ASAP3: variants seen among roughly 807,000 people sequenced by gnomAD.
ASAP3 encodes arf-GAP with SH3 domain, ANK repeat and PH domain-containing protein 3.
A neutral mutation model predicts 118.2 loss-of-function variants in ASAP3; 85 were observed. The ratio of observed to expected loss-of-function variants is 0.72; its 90% CI spans 0.60 to 0.86. ASAP3 has a LOEUF of 0.86. ASAP3 is among the 40% of genes least tolerant of loss of function. ASAP3 has a pLI of 0.00. For synonymous variants in ASAP3, 432 were observed against 477.4 expected, an observed-to-expected ratio of 0.90 and a Z score of 1.24; for missense variants, 1,026 against 1,175.0, an observed-to-expected ratio of 0.87 and a Z score of 1.85.
intron 1 of ASAP3, among the ~76,000 whole-genome samples, chr1:23,483,253 A>G (rs976665186): frequency 6.6e-6 from 1 of 152,230 alleles, no homozygotes; most frequent in Non-Finnish European, 1.5e-5. Flanking sequence ...CTGCAAAAAC[A>G]CATTATTCTC....
At chr1:23,474,364 G>A (rs1347656675) in intron 1 of ASAP3, among the ~76,000 whole-genome samples, 1 of 152,116 alleles carries the variant, frequency 6.6e-6, no homozygotes, top group Admixed American at 6.5e-5. Context: ...ATCTAACAGA[G>A]CCGAGCACCC....
intron 1 of ASAP3, among the ~76,000 whole-genome samples, chr1:23,473,238 G>C (rs539804098): frequency 2.8e-4 from 42 of 152,282 alleles, no homozygotes; most frequent in South Asian, 2.5e-3. Context: ...ACTTGCCCAG[G>C]CCTCGCCCCT....
intron 1 of ASAP3, among the ~76,000 whole-genome samples, chr1:23,457,685 G>T (rs1641431487): frequency 6.6e-6 from 1 of 152,132 alleles, no homozygotes; most frequent in Non-Finnish European, 1.5e-5. Context: ...CTAATTTTTT[G>T]TATTTTTAGT....
chr1:23,456,153 C>T lies in ASAP3; in HGVS notation c.171G>A (p.Lys57=), dbSNP rs1204648156. 1 of 1,614,154 alleles carries T rather than the reference C, an allele frequency of 6.2e-7. No individual in the cohort carries two copies. Among genetic ancestry groups the T allele is most frequent in the Non-Finnish European group, 8.5e-7 (1 of 1,180,016 alleles). The change falls in exon 2 of 25, where the codon AAG becomes AAA. Residue 57 remains lysine, a synonymous_variant. Transcript: ENST00000336689. ...GDQAILQRIK[K]AVRAIHSSGL... is the part of the protein sequence containing the mutation. ...CGGAGCTATGGATTGCCCGCACAGC[C>T]TTCTTTATTCTCTGCAGGATGGCTT...
chr1:23,457,874 C>A (rs1641439187), intron 1 of ASAP3, among the ~76,000 whole-genome samples: 1 of 152,194 alleles, frequency 6.6e-6, no homozygotes, highest in African/African-American at 2.4e-5. Context: ...GAAATCGATG[C>A]CTACCTCTCA....
chr1:23,442,746 C>T, intron 5 of ASAP3, 134 bp from the exon 6 acceptor site: 1 of 1,346,106 alleles, frequency 7.4e-7, no homozygotes. Context: ...GGGCTGGGTA[C>T]AATGAACAAG....
rs1482244715 is a variant in ASAP3, at chr1:23,429,789, T to C, written c.*67A>G. ...GAACAAATGTCTCAGCTCCCCAGTT[T>C]TGTGAGCTCAAGTCCCAGCTCTGAA... On this transcript the variant is annotated 3_prime_UTR_variant, in exon 25 of 25. Transcript: ENST00000336689. The C allele has an allele frequency of 2.0e-6, 3 of 1,504,950 alleles. No homozygotes were observed. In the African/African-American group the frequency reaches 4.1e-5, roughly 21 times the overall value. 93.2% of individuals were successfully genotyped at this position (1,504,950 alleles called of 1,614,324 possible).
chr1:23,444,183 T>A (rs1313962231), intron 5 of ASAP3, among the ~76,000 whole-genome samples: 1 of 152,170 alleles, frequency 6.6e-6, no homozygotes, highest in Non-Finnish European at 1.5e-5. Flanking sequence ...TCTTCTCTTT[T>A]TAAGTGGAGA....
chr1:23,429,897 C>T lies in ASAP3; in HGVS notation c.2671G>A (p.Gly891Arg). The T allele has an allele frequency of 6.2e-7, 1 of 1,614,000 alleles. No homozygotes were observed. Among genetic ancestry groups the T allele is most frequent in the Non-Finnish European group, 8.5e-7 (1 of 1,179,948 alleles). The change falls in exon 25 of 25, where the codon GGG becomes AGG. Residue 891 changes from glycine (G) to arginine (R), a missense_variant. Transcript: ENST00000336689. Reference protein sequence around the residue: ...GITEGDGSRTGSLPASSVQLL... With the variant: ...GITEGDGSRTRSLPASSVQLL... ...TGCACAGAACTTGCTGGGAGACTCC[C>T]AGTCCTTGAGCCATCTCCTTCAGTG...
At chr1:23,459,018 A>G (rs1292729382) in intron 1 of ASAP3, among the ~76,000 whole-genome samples, 3 of 151,930 alleles carry the variant, frequency 2.0e-5, no homozygotes, top group Non-Finnish European at 4.4e-5. Context: ...AAAAATACAA[A>G]AATTAGCTGG....
intron 22 of ASAP3, among the ~76,000 whole-genome samples, chr1:23,432,446 A>AG (rs1640473239): frequency 6.6e-6 from 1 of 152,116 alleles, no homozygotes; most frequent in South Asian, 2.1e-4. Context: ...ACCCTGTCCC[A>AG]GTTTGGATTC....
rs765029335 is a variant in ASAP3 at position 23,442,259 on chromosome 1, C to T, written c.598G>A (p.Ala200Thr). Residue 200 changes from alanine to threonine, a missense_variant, in exon 7 of 25, where the codon GCC (alanine) becomes ACC (threonine). Transcript: ENST00000336689. ...QLHMCEYLLK[A>T]GESQMKQGPD... is the part of the protein sequence containing the mutation. ...CCTTGCTTCATCTGGCTCTCCCCGG[C>T]TTTGAGCAGATACTAGGAGGAGGGC... 9 of 1,604,816 alleles carry T rather than the reference C, an allele frequency of 5.6e-6. No homozygotes were observed. The East Asian group carries it at 2.0e-4, about 36-fold the overall frequency.
chr1:23,431,592 G>A, intron 23 of ASAP3, 104 bp downstream of exon 23: 1 of 1,119,648 alleles, frequency 8.9e-7, no homozygotes, highest in Non-Finnish European at 1.3e-6. Flanking sequence ...GAGATGGCGT[G>A]TGACCCAGTC....
intron 1 of ASAP3, among the ~76,000 whole-genome samples, chr1:23,475,540 G>A (rs1642101085): frequency 6.6e-6 from 1 of 152,178 alleles, no homozygotes; most frequent in African/African-American, 2.4e-5. Context: ...TGACACAGAT[G>A]CAGGTTTGAA....
chr1:23,429,752 T>G lies in ASAP3; in HGVS notation c.*104A>C, dbSNP rs1377429354. 9.5e-6 allele frequency: 11 copies of G among 1,160,024 alleles called. No homozygotes were observed. The highest frequency in any genetic ancestry group is 1.5e-5 in the South Asian group (1 of 66,800). 71.9% of individuals were successfully genotyped at this position (1,160,024 alleles called of 1,614,324 possible). On this transcript the variant is annotated 3_prime_UTR_variant, in exon 25 of 25. Coordinates refer to ENST00000336689, the MANE Select transcript of ASAP3 (RefSeq NM_017707.4). ...ACAGAGGCACAAGGGACAGAGAGAG[T>G]GAGATCCAAGAGAACAAATGTCTCA...
In ASAP3 at chr1:23,452,207, C is replaced by T. The variant is rs116508150; in HGVS notation, c.423+490G>A. Among the ~76,000 whole-genome samples the T allele has an allele frequency of 2.9e-3, 435 of 152,302 alleles. 2 individuals carry two copies. The highest frequency in any genetic ancestry group is 7.5e-3 in the African/African-American group (311 of 41,564). On this transcript the variant is annotated intron_variant, in intron 4 of 24. Transcript: ENST00000336689. ...GGGAGGGAACCCTCTTGGGGGAGCA[C>T]GGCTCCTCCCCTGGGCCGTCTGGGG...
chr1:23,459,180 A>AG (rs1256631636), intron 1 of ASAP3, among the ~76,000 whole-genome samples: 1 of 151,640 alleles, frequency 6.6e-6, no homozygotes, highest in African/African-American at 2.4e-5. Flanking sequence ...CAAAAAAAAA[A>AG]AAAAAAAAAA....
chr1:23,446,845 T>C (rs1421021877), intron 5 of ASAP3, among the ~76,000 whole-genome samples: 4 of 152,198 alleles, frequency 2.6e-5, no homozygotes. Context: ...TCAGTGTATT[T>C]ACACTGTCTA....
intron 3 of ASAP3, among the ~76,000 whole-genome samples, chr1:23,453,760 T>C (rs1490915963): frequency 1.3e-5 from 2 of 152,136 alleles, no homozygotes; most frequent in East Asian, 3.9e-4. Context: ...TTCTGAACCA[T>C]GGCAGCACTA....
Sources: gnomAD v4.1 joint callset for allele counts (sites outside exome capture counted in the v4.1 genomes callset) on GRCh38, gnomAD v4.1.1 for gene constraint, MANE v1.5 for transcripts, NCBI Gene and HGNC (gene_info 2026-07-23, HGNC 2026-07-21) for gene names.